Variants in CDH2 observed in about 807,000 individuals in gnomAD.
CDH2 encodes the protein cadherin 2, also known as cadherin-2.
Under a neutral mutation model 92.0 loss-of-function variants are expected in CDH2, and 17 were observed. The observed-to-expected ratio is 0.18, with a 90% CI of 0.13 to 0.28. The LOEUF is 0.28. Ranked by LOEUF, CDH2 falls within the 10% of genes least tolerant of loss-of-function variation. The probability of loss-of-function intolerance (pLI) is 1.00; values close to 1 mark genes in which losing one functional copy is unlikely to be tolerated. For synonymous variants in CDH2, 419 were observed against 415.9 expected, an observed-to-expected ratio of 1.01 and a Z score of -0.09; for missense variants, 862 against 1,133.1, an observed-to-expected ratio of 0.76 and a Z score of 3.44.
chr18:28,089,668 T>C (rs2015001152), intron 2 of CDH2, among the ~76,000 whole-genome samples: 1 of 152,206 alleles, frequency 6.6e-6, no homozygotes, highest in Admixed American at 6.5e-5. Context: ...TATATCTAAT[T>C]TATGCATTTC....
chr18:27,933,789 T>A (rs1908958790), intron 6 of CDH2, among the ~76,000 whole-genome samples: 1 of 152,218 alleles, frequency 6.6e-6, no homozygotes, highest in South Asian at 2.1e-4. Flanking sequence ...CAAAATGGCA[T>A]GACACCTCAA....
intron 1 of CDH2, among the ~76,000 whole-genome samples, chr18:28,152,985 G>C (rs1030636663): frequency 6.6e-6 from 1 of 152,164 alleles, no homozygotes; most frequent in Non-Finnish European, 1.5e-5. Context: ...CTGAGTGGCT[G>C]TGAACACGGG....
chr18:28,044,128 G>A (rs919103149), intron 2 of CDH2, among the ~76,000 whole-genome samples: 1 of 151,872 alleles, frequency 6.6e-6, no homozygotes. Flanking sequence ...GGCCAGGCTG[G>A]TCTTTAACTC....
chr18:27,989,910 G>T (rs1484215305), intron 10 of CDH2, among the ~76,000 whole-genome samples, 187 bp downstream of exon 10: 1 of 152,138 alleles, frequency 6.6e-6, no homozygotes, highest in African/African-American at 2.4e-5. Context: ...TATGGATACA[G>T]ATATCTATTT....
intron 2 of CDH2, among the ~76,000 whole-genome samples, chr18:28,093,524 T>C (rs984318176): frequency 6.6e-6 from 1 of 152,002 alleles, no homozygotes; most frequent in Non-Finnish European, 1.5e-5. Flanking sequence ...TTGTCTGGTA[T>C]GATTAAGATA....
At chr18:28,130,068 C>G (rs2015740874) in intron 2 of CDH2, among the ~76,000 whole-genome samples, 1 of 152,272 alleles carries the variant, frequency 6.6e-6, no homozygotes, top group East Asian at 1.9e-4. Flanking sequence ...ATCACCATGC[C>G]TGTACCTCAC....
intron 2 of CDH2, among the ~76,000 whole-genome samples, chr18:28,065,662 A>G (rs1293441505): frequency 6.6e-6 from 1 of 152,170 alleles, no homozygotes; most frequent in East Asian, 1.9e-4. Context: ...CAGAGTCCTG[A>G]CTTTGTAAGA....
At chr18:28,120,391 T>A (rs2015567125) in intron 2 of CDH2, among the ~76,000 whole-genome samples, 2 of 152,122 alleles carry the variant, frequency 1.3e-5, no homozygotes, top group South Asian at 4.1e-4. Context: ...TTTTAAAATA[T>A]GACCAACTGA....
intron 2 of CDH2, among the ~76,000 whole-genome samples, chr18:28,138,536 T>C (rs1207725047): frequency 1.3e-5 from 2 of 152,006 alleles, no homozygotes; most frequent in African/African-American, 4.8e-5. Context: ...TAAACAAGAA[T>C]CCTCAAACAT....
chr18:28,020,010 ATATTT>A (rs1555633885), intron 2 of CDH2, among the ~76,000 whole-genome samples: 1 of 152,138 alleles, frequency 6.6e-6, no homozygotes, highest in Non-Finnish European at 1.5e-5. Context: ...CATGTGAATC[ATATTT>A]TATTATTTGC....
Position 28,175,352 on chromosome 18 carries a change from G to A in CDH2, c.60+1611C>T, listed in dbSNP as rs574491243. Among the ~76,000 whole-genome samples the A allele has an allele frequency of 3.9e-5, 6 of 152,296 alleles. No individual in the cohort carries two copies. The South Asian group carries it at 8.3e-4, about 21-fold the overall frequency. ...GTGGGGGAAGGGAGAAAGACCGGTA[G>A]GAGACTAAAGAACAAAAGAAGAAAT... On this transcript the variant is annotated intron_variant, in intron 1 of 15. Transcript: ENST00000269141.
chr18:28,002,591 C>G (rs1347525498), intron 7 of CDH2, among the ~76,000 whole-genome samples: 2 of 152,168 alleles, frequency 1.3e-5, no homozygotes, highest in Non-Finnish European at 2.9e-5. Context: ...AAAACCAAAT[C>G]ACATACATGT....
intron 2 of CDH2, among the ~76,000 whole-genome samples, chr18:28,037,087 T>A (rs909430417): frequency 1.3e-5 from 2 of 152,178 alleles, no homozygotes; most frequent in African/African-American, 4.8e-5. Flanking sequence ...GCTTACAACA[T>A]AATTAAGATT....
chr18:27,971,681 T>C (rs2011663896), intron 14 of CDH2, among the ~76,000 whole-genome samples: 1 of 152,208 alleles, frequency 6.6e-6, no homozygotes, highest in Non-Finnish European at 1.5e-5. Context: ...CAATCCCTAG[T>C]GAAACTTTCC....
At chr18:28,040,260 G>C (rs1003865881) in intron 2 of CDH2, among the ~76,000 whole-genome samples, 1 of 152,090 alleles carries the variant, frequency 6.6e-6, no homozygotes, top group Non-Finnish European at 1.5e-5. Context: ...GTATGATCAA[G>C]ATAGTAATAG....
chr18:28,174,532 T>A (rs1458761432), intron 1 of CDH2, among the ~76,000 whole-genome samples: 1 of 152,256 alleles, frequency 6.6e-6, no homozygotes, highest in African/African-American at 2.4e-5. Context: ...GAGAAAGTTA[T>A]AATTTCTCCT....
intron 2 of CDH2, among the ~76,000 whole-genome samples, chr18:28,021,151 T>C (rs1021219434): frequency 2.0e-5 from 3 of 151,996 alleles, no homozygotes; most frequent in African/African-American, 4.8e-5. Flanking sequence ...ATCAATACCT[T>C]TATGTAATTA....
chr18:28,087,771 C>CA (rs1292111660), intron 2 of CDH2, among the ~76,000 whole-genome samples: 3 of 151,258 alleles, frequency 2.0e-5, no homozygotes, highest in African/African-American at 7.3e-5. Flanking sequence ...CAAAACAAAA[C>CA]AAAAAAAGAA....
At chr18:28,113,196 A>C (rs1206804157) in intron 2 of CDH2, among the ~76,000 whole-genome samples, 1 of 152,214 alleles carries the variant, frequency 6.6e-6, no homozygotes, top group African/African-American at 2.4e-5. Context: ...CAGATTAAAA[A>C]GGTAAAAAGA....
Sources: gnomAD v4.1 joint callset for allele counts (sites outside exome capture counted in the v4.1 genomes callset) on GRCh38, gnomAD v4.1.1 for gene constraint, MANE v1.5 for transcripts, NCBI Gene and HGNC (gene_info 2026-07-23, HGNC 2026-07-21) for gene names.